Variants in TMEM108 observed in about 807,000 individuals in gnomAD.
The protein encoded by TMEM108 is transmembrane protein 108.
In TMEM108, 12 loss-of-function variants were observed where a neutral mutation model predicts 35.1. The observed-to-expected ratio is 0.34, with a 90% CI of 0.22 to 0.55. The LOEUF is 0.55. Among genes scored for constraint, TMEM108 ranks in the 20% least tolerant of loss-of-function variants. TMEM108 has a pLI of 0.89. For synonymous variants in TMEM108, 287 were observed against 308.6 expected, an observed-to-expected ratio of 0.93 and a Z score of 0.73; for missense variants, 680 against 753.3, an observed-to-expected ratio of 0.90 and a Z score of 1.14.
At chr3:133,383,480 G>A (rs1024690502) in intron 4 of TMEM108, among the ~76,000 whole-genome samples, 1 of 152,178 alleles carries the variant, frequency 6.6e-6, no homozygotes, top group African/African-American at 2.4e-5. Context: ...GAGCATTAGG[G>A]AATCTGAGAT....
chr3:133,050,513 T>C (rs1299215817), intron 2 of TMEM108, among the ~76,000 whole-genome samples: 1 of 152,074 alleles, frequency 6.6e-6, no homozygotes, highest in Non-Finnish European at 1.5e-5. Context: ...TGACACATCA[T>C]AATCACCCAA....
chr3:133,395,950 ACT>A lies in TMEM108; in HGVS notation c.1693_1694del (p.Leu565ValfsTer9). 1 of 1,605,514 alleles carries A rather than the reference ACT, an allele frequency of 6.2e-7. No individual in the cohort carries two copies. The highest frequency in any genetic ancestry group is 8.5e-7 in the Non-Finnish European group (1 of 1,176,394). ...TTGTTAACCCCTTCTGTCAAGAAAC[ACT>A]GTTTGTGGGAAACGATCAAGTATCT... ...VLVNPFCQET[L>X]FVGNDQVSEI is the part of the protein sequence containing the mutation. On this transcript the variant is annotated frameshift_variant, in exon 6 of 6. Coordinates refer to ENST00000321871, the MANE Select transcript of TMEM108 (RefSeq NM_023943.4). LOFTEE classifies it high-confidence loss of function.
chr3:133,306,899 G>A (rs1051461499), intron 3 of TMEM108, among the ~76,000 whole-genome samples: 11 of 151,996 alleles, frequency 7.2e-5, no homozygotes, highest in Admixed American at 3.3e-4. Context: ...TAATGAAATC[G>A]CTGGGTCAAA....
intron 3 of TMEM108, among the ~76,000 whole-genome samples, chr3:133,291,732 CA>C (rs1182978114): frequency 6.6e-6 from 1 of 152,154 alleles, no homozygotes; most frequent in African/African-American, 2.4e-5. Flanking sequence ...ATGAAGCCAT[CA>C]AACTCATTAT....
chr3:133,047,665 C>T (rs541091082), intron 2 of TMEM108, among the ~76,000 whole-genome samples: 1 of 152,254 alleles, frequency 6.6e-6, no homozygotes, highest in Admixed American at 6.5e-5. Context: ...CCAAATGTCC[C>T]CTGGAGAGCA....
chr3:133,366,567 C>G (rs1378243966), intron 3 of TMEM108, among the ~76,000 whole-genome samples: 1 of 152,198 alleles, frequency 6.6e-6, no homozygotes, highest in Non-Finnish European at 1.5e-5. Context: ...CCATTGTTCT[C>G]TCCTTGTTCT....
chr3:133,226,049 A>G (rs1036943571), intron 2 of TMEM108, among the ~76,000 whole-genome samples: 9 of 152,230 alleles, frequency 5.9e-5, no homozygotes, highest in Admixed American at 3.3e-4. Context: ...TAGAAAGGTG[A>G]GACAACTCAA....
At chr3:133,381,458 C>T (rs1027970530) in intron 4 of TMEM108, among the ~76,000 whole-genome samples, 1 of 152,176 alleles carries the variant, frequency 6.6e-6, no homozygotes, top group Non-Finnish European at 1.5e-5. Context: ...CTAGCAGTGA[C>T]ATGGTTCACC....
rs142648575 is a variant in TMEM108 at position 133,169,228 on chromosome 3, C to T, written c.-46-60038C>T. Among the ~76,000 whole-genome samples, 839 of 152,324 alleles carry T rather than the reference C, an allele frequency of 5.5e-3. 11 individuals are homozygous for T. Among genetic ancestry groups the T allele is most frequent in the African/African-American group, 0.018 (762 of 41,582 alleles). On this transcript the variant is annotated intron_variant, in intron 2 of 5. Coordinates refer to ENST00000321871, the MANE Select transcript of TMEM108 (RefSeq NM_023943.4). ...GTTACATTGGGGATTAAGTTTCCAACAAATGAACTTTGGGGTCACATTCAA... is the reference window on the plus strand; with the variant it reads ...GTTACATTGGGGATTAAGTTTCCAATAAATGAACTTTGGGGTCACATTCAA...
intron 4 of TMEM108, chr3:133,388,745 G>A: frequency 1.0e-6 from 1 of 985,462 alleles, no homozygotes; most frequent in Non-Finnish European, 1.2e-6. Flanking sequence ...CAGCTGGAAA[G>A]AAAGCTACAG....
At chr3:133,238,333 T>C (rs1336462626) in intron 3 of TMEM108, among the ~76,000 whole-genome samples, 2 of 152,234 alleles carry the variant, frequency 1.3e-5, no homozygotes, top group African/African-American at 2.4e-5. Context: ...ATGGGAGTCA[T>C]ACATGTTTGA....
chr3:133,084,259 A>G (rs1453616333), intron 2 of TMEM108, among the ~76,000 whole-genome samples: 1 of 152,202 alleles, frequency 6.6e-6, no homozygotes, highest in African/African-American at 2.4e-5. Context: ...TGAATCATGA[A>G]TGTTAGGCCC....
intron 4 of TMEM108, among the ~76,000 whole-genome samples, chr3:133,381,870 C>T (rs370210431): frequency 6.6e-6 from 1 of 152,012 alleles, no homozygotes. Context: ...CCCCACCCCA[C>T]TTTATTTGTT....
intron 2 of TMEM108, among the ~76,000 whole-genome samples, chr3:133,078,377 A>G (rs1033721885): frequency 6.6e-6 from 1 of 152,106 alleles, no homozygotes; most frequent in Non-Finnish European, 1.5e-5. Flanking sequence ...CTCCCAAACA[A>G]CTAGGCGGTG....
intron 2 of TMEM108, among the ~76,000 whole-genome samples, chr3:133,177,199 G>T (rs1308014552): frequency 6.6e-6 from 1 of 152,164 alleles, no homozygotes; most frequent in Non-Finnish European, 1.5e-5. Context: ...AAAAAGTCCA[G>T]GACCAGATGG....
chr3:133,177,617 C>T (rs528146498), intron 2 of TMEM108, among the ~76,000 whole-genome samples: 107 of 152,284 alleles, frequency 7.0e-4, no homozygotes, highest in Non-Finnish European at 1.0e-3. Context: ...AATTCAACAA[C>T]GCTTCATGCT....
At chr3:133,220,956 A>G (rs1945981599) in intron 2 of TMEM108, among the ~76,000 whole-genome samples, 1 of 152,220 alleles carries the variant, frequency 6.6e-6, no homozygotes, top group Non-Finnish European at 1.5e-5. Flanking sequence ...AAATGAAATA[A>G]TAAAGGATAC....
At position 133,255,616 on chromosome 3, in the gene TMEM108, G is replaced by A. The variant is rs145238299; in HGVS notation, c.40+26265G>A. On this transcript the variant is annotated intron_variant, in intron 3 of 5. Coordinates refer to ENST00000321871, the MANE Select transcript of TMEM108 (RefSeq NM_023943.4). The stretch of plus-strand genomic sequence containing the variant: ...TAGAGACAATGGGGGAGACGTATTT[G>A]AAAACATAATGGCTTAGAATATTTT... Among the ~76,000 whole-genome samples, 417 of 152,254 alleles carry A rather than the reference G, an allele frequency of 2.7e-3. 5 individuals are homozygous for A. Among genetic ancestry groups the A allele is most frequent in the African/African-American group, 9.6e-3 (397 of 41,554 alleles).
At position 133,045,964 on chromosome 3, in the gene TMEM108, C is replaced by G. The variant is rs75911081; in HGVS notation, c.-103C>G. On this transcript the variant is annotated 5_prime_UTR_variant, in exon 2 of 6. Coordinates refer to ENST00000321871, the MANE Select transcript of TMEM108 (RefSeq NM_023943.4). ...GAATGAGCAGTGAAAAGCAGCAGAG[C>G]CGATGGGTCATGAGGATGTAAGTGC... 0.011 allele frequency: 1,685 copies of G among 152,686 alleles called. 16 individuals carry two copies. The highest frequency in any genetic ancestry group is 0.018 in the Non-Finnish European group (1,257 of 68,028). The allele number at this position is 152,686 out of a possible 1,614,324, so 9.5% of individuals were successfully genotyped here.
Sources: gnomAD v4.1 joint callset for allele counts (sites outside exome capture counted in the v4.1 genomes callset) on GRCh38, gnomAD v4.1.1 for gene constraint, MANE v1.5 for transcripts, NCBI Gene and HGNC (gene_info 2026-07-23, HGNC 2026-07-21) for gene names.